DOCK2: variants seen among roughly 807,000 people sequenced by gnomAD.
DOCK2 encodes dedicator of cytokinesis 2.
Under a neutral mutation model 248.9 loss-of-function variants are expected in DOCK2, and 87 were observed. That is an observed-to-expected ratio of 0.35 (90% CI 0.29 to 0.42). DOCK2 has a LOEUF of 0.42. DOCK2 is among the 10% of genes least tolerant of loss of function. The pLI is 1.00. For synonymous variants in DOCK2, 805 were observed against 821.6 expected (o/e 0.98, Z 0.35); for missense variants, 1,747 against 2,300.2 (o/e 0.76, Z 4.92).
chr5:169,727,023 G>A (rs116194302), intron 22 of DOCK2, among the ~76,000 whole-genome samples: 1,688 of 151,230 alleles, frequency 0.011, 22 homozygotes, highest in Middle Eastern at 0.051. Flanking sequence ...AGCTGAGATC[G>A]TGCCACTGCA....
chr5:169,938,776 CTT>C (rs763860491), intron 27 of DOCK2, among the ~76,000 whole-genome samples: 20 of 152,118 alleles, frequency 1.3e-4, no homozygotes, highest in Non-Finnish European at 2.5e-4. Context: ...ACTTTACAAA[CTT>C]TTCATTTTTT....
At chr5:169,849,710 G>C (rs529591072) in intron 27 of DOCK2, among the ~76,000 whole-genome samples, 1 of 152,350 alleles carries the variant, frequency 6.6e-6, no homozygotes, top group South Asian at 2.1e-4. Context: ...CTTAACAGAA[G>C]AGGACAAGGC....
At chr5:170,030,125 G>A (rs1756078189) in intron 34 of DOCK2, among the ~76,000 whole-genome samples, 1 of 152,226 alleles carries the variant, frequency 6.6e-6, no homozygotes, top group African/African-American at 2.4e-5. Flanking sequence ...GTGAAGCAAT[G>A]TACAGTGCTG....
chr5:169,862,978 T>C (rs1179396054), intron 27 of DOCK2, among the ~76,000 whole-genome samples: 1 of 152,248 alleles, frequency 6.6e-6, no homozygotes, highest in Non-Finnish European at 1.5e-5. Flanking sequence ...TCTAACCACA[T>C]GCTGATAGAG....
At chr5:170,067,929 G>A (rs1231935446) in intron 45 of DOCK2, among the ~76,000 whole-genome samples, 2 of 152,146 alleles carry the variant, frequency 1.3e-5, no homozygotes, top group East Asian at 3.8e-4. Flanking sequence ...GAAGGGGCAG[G>A]GGTCATAAGG....
intron 27 of DOCK2, among the ~76,000 whole-genome samples, chr5:169,851,206 A>G (rs1324995666): frequency 6.6e-6 from 1 of 152,228 alleles, no homozygotes; most frequent in African/African-American, 2.4e-5. Flanking sequence ...TACAAAGTTC[A>G]ATTTAAAAAA....
At chr5:170,041,023 T>C in intron 36 of DOCK2, 32 bp from the exon 37 acceptor site, 1 of 1,598,148 alleles carries the variant, frequency 6.3e-7, no homozygotes, top group Non-Finnish European at 8.6e-7. Flanking sequence ...TCACTGCACC[T>C]GGTAGCTTAC....
At chr5:169,981,948 G>A (rs1425052320) in intron 27 of DOCK2, among the ~76,000 whole-genome samples, 1 of 151,538 alleles carries the variant, frequency 6.6e-6, no homozygotes, top group Non-Finnish European at 1.5e-5. Flanking sequence ...TTATTGCGGT[G>A]GTCTGGAACC....
intron 22 of DOCK2, among the ~76,000 whole-genome samples, chr5:169,737,742 G>T (rs748964146): frequency 6.6e-6 from 1 of 152,174 alleles, no homozygotes; most frequent in Non-Finnish European, 1.5e-5. Context: ...AGCTGAACAC[G>T]TGGCACTTCC....
intron 27 of DOCK2, among the ~76,000 whole-genome samples, chr5:169,898,275 C>T (rs1581380460): frequency 6.6e-6 from 1 of 152,314 alleles, no homozygotes; most frequent in East Asian, 1.9e-4. Context: ...CATGGGGGCT[C>T]CGCTTGGGAA....
intron 7 of DOCK2, among the ~76,000 whole-genome samples, chr5:169,683,504 TA>T (rs986331153): frequency 6.6e-6 from 1 of 152,186 alleles, no homozygotes; most frequent in African/African-American, 2.4e-5. Flanking sequence ...GTGCTGAGAT[TA>T]CAGGTGTGAG....
chr5:169,687,586 A>G (rs1396985937), intron 8 of DOCK2, among the ~76,000 whole-genome samples: 1 of 152,198 alleles, frequency 6.6e-6, no homozygotes, highest in East Asian at 1.9e-4. Flanking sequence ...ATTTAAAATA[A>G]TGGGCACTTA....
intron 19 of DOCK2, 115 bp from the exon 20 acceptor site, chr5:169,716,098 G>T: frequency 1.1e-6 from 1 of 930,534 alleles, no homozygotes; most frequent in East Asian, 2.6e-5. Flanking sequence ...TTTTGAGCAT[G>T]ACATGTGGTG....
chr5:169,864,085 C>G (rs1180571962), intron 27 of DOCK2, among the ~76,000 whole-genome samples: 1 of 152,212 alleles, frequency 6.6e-6, no homozygotes, highest in East Asian at 1.9e-4. Context: ...GTCGCACGCA[C>G]TCAGGTAAGG....
Position 170,067,545 on chromosome 5 carries a change from C to A in DOCK2, c.4503C>A (p.Thr1501=), listed in dbSNP as rs755575722. The A allele has an allele frequency of 1.9e-6, 3 of 1,614,136 alleles. No homozygotes were observed. The highest frequency in any genetic ancestry group is 1.7e-6 in the Non-Finnish European group (2 of 1,179,990). The change falls in exon 45 of 52, where the codon ACC becomes ACA. Residue 1501 remains threonine, a synonymous_variant. Transcript: ENST00000520908. ...GTCCTCTGGAGAATGCCATAGAAAC[C>A]ATGTCCACGGCCAATGAGAAGATCC... is the stretch of plus-strand genomic sequence containing the variant. ...TISPLENAIE[T]MSTANEKILM...
At position 169,961,203 on chromosome 5, in the gene DOCK2, C is replaced by T. The variant is rs113514249; in HGVS notation, c.2800-21865C>T. Among the ~76,000 whole-genome samples the T allele has an allele frequency of 2.2e-3, 335 of 152,300 alleles. 3 individuals are homozygous for T. Among genetic ancestry groups the T allele is most frequent in the African/African-American group, 7.7e-3 (322 of 41,568 alleles). ...GAGGGGGCATAAATGGGTAGCCCCCCAAGGGCAATTAATGGATCATCATCA... is the reference window on the plus strand; with the variant it reads ...GAGGGGGCATAAATGGGTAGCCCCCTAAGGGCAATTAATGGATCATCATCA... On this transcript the variant is annotated intron_variant, in intron 27 of 51. Transcript: ENST00000520908.
Position 169,823,991 on chromosome 5 carries a change from A to G in DOCK2, c.2704-16766A>G, listed in dbSNP as rs1276200939. 3.3e-5 allele frequency among the ~76,000 whole-genome samples: 5 copies of G among 152,228 alleles called. No individual in the cohort carries two copies. In the East Asian group the frequency reaches 9.6e-4, roughly 29 times the overall value. Reference sequence around the variant, plus strand: ...ATACTCCAATAACAGACAAACAGAGAGCCAAATCATGAGTGAATTCTCTTT... The same window carrying G: ...ATACTCCAATAACAGACAAACAGAGGGCCAAATCATGAGTGAATTCTCTTT... On this transcript the variant is annotated intron_variant, in intron 26 of 51. Coordinates refer to ENST00000520908, the MANE Select transcript of DOCK2 (RefSeq NM_004946.3).
At chr5:169,849,067 G>A (rs1770477317) in intron 27 of DOCK2, among the ~76,000 whole-genome samples, 1 of 152,170 alleles carries the variant, frequency 6.6e-6, no homozygotes, top group African/African-American at 2.4e-5. Flanking sequence ...CAAGCAGGAG[G>A]GAGGACAGTC....
At chr5:169,977,507 T>G (rs1480802496) in intron 27 of DOCK2, among the ~76,000 whole-genome samples, 1 of 152,196 alleles carries the variant, frequency 6.6e-6, no homozygotes, top group East Asian at 1.9e-4. Flanking sequence ...CAGTGTGAAG[T>G]AAGGAATATT....
Sources: gnomAD v4.1 joint callset for allele counts (sites outside exome capture counted in the v4.1 genomes callset) on GRCh38, gnomAD v4.1.1 for gene constraint, MANE v1.5 for transcripts, NCBI Gene and HGNC (gene_info 2026-07-23, HGNC 2026-07-21) for gene names.